The following LHFPL2 variants were observed in gnomAD, a reference collection of about 807,000 sequenced individuals.
LHFPL2 encodes LHFPL tetraspan subfamily member 2, also known as LHFPL tetraspan subfamily member 2 protein.
In LHFPL2, 7 loss-of-function variants were observed where a neutral mutation model predicts 17.5. The ratio of observed to expected loss-of-function variants is 0.40; its 90% CI spans 0.23 to 0.75. The LOEUF (loss-of-function observed/expected upper bound fraction) is 0.75, where lower values mean the gene tolerates loss of function less well. Among genes scored for constraint, LHFPL2 ranks in the 30% least tolerant of loss-of-function variants. The pLI is 0.37. For missense variants in LHFPL2, 241 were observed against 294.8 expected (o/e 0.82, Z 1.34); for synonymous variants, 134 against 116.2 (o/e 1.15, Z -0.99).
At chr5:78,642,014 C>G (rs1745683984) in intron 1 of LHFPL2, 1 of 151,844 alleles carries the variant, frequency 6.6e-6, no homozygotes, top group Non-Finnish European at 1.5e-5. Context: ...TCTCACAGTT[C>G]TGAAGGCTGG....
At chr5:78,551,546 G>A (rs1317835261) in intron 3 of LHFPL2, among the ~76,000 whole-genome samples, 4 of 152,114 alleles carry the variant, frequency 2.6e-5, no homozygotes, top group African/African-American at 9.7e-5. Flanking sequence ...CTCTAACAAG[G>A]TAGCTATTCA....
Position 78,558,873 on chromosome 5 carries a change from C to T in LHFPL2, c.-186+5940G>A, listed in dbSNP as rs77693458. Among the ~76,000 whole-genome samples the T allele has an allele frequency of 9.2e-3, 1,397 of 152,320 alleles. 25 individuals are homozygous for T. The highest frequency in any genetic ancestry group is 0.031 in the African/African-American group (1,309 of 41,578). ...CCAGAGCAGATGACTTTTTTTCCCA[C>T]TGCTCAAAAGAACTGAGCCACAACA... On this transcript the variant is annotated intron_variant, in intron 3 of 4. Transcript: ENST00000380345.
chr5:78,517,001 C>A (rs1028097011), intron 3 of LHFPL2, among the ~76,000 whole-genome samples: 1 of 152,232 alleles, frequency 6.6e-6, no homozygotes, highest in African/African-American at 2.4e-5. Context: ...GCCACACAGG[C>A]TTCTGCTTCT....
intron 4 of LHFPL2, among the ~76,000 whole-genome samples, chr5:78,503,512 C>G (rs534421869): frequency 2.0e-5 from 3 of 152,278 alleles, no homozygotes; most frequent in South Asian, 4.1e-4. Context: ...GCCTGGCCAA[C>G]GTGGTGAAAC....
intron 3 of LHFPL2, among the ~76,000 whole-genome samples, chr5:78,538,124 T>C (rs1756004341): frequency 6.6e-6 from 1 of 152,130 alleles, no homozygotes; most frequent in South Asian, 2.1e-4. Flanking sequence ...GGATCTATGT[T>C]TTAACAAGAT....
chr5:78,516,757 G>A (rs1345334752), intron 3 of LHFPL2, among the ~76,000 whole-genome samples: 1 of 152,206 alleles, frequency 6.6e-6, no homozygotes, highest in Non-Finnish European at 1.5e-5. Context: ...AAGATGACAG[G>A]ATGATAGGGA....
chr5:78,628,824 A>G (rs1250974866), intron 2 of LHFPL2, among the ~76,000 whole-genome samples: 1 of 152,230 alleles, frequency 6.6e-6, no homozygotes, highest in East Asian at 1.9e-4. Context: ...CTCTGCAGTC[A>G]TGTCAAGTAA....
At chr5:78,580,223 T>A (rs1262860933) in intron 2 of LHFPL2, among the ~76,000 whole-genome samples, 12 of 152,010 alleles carry the variant, frequency 7.9e-5, no homozygotes, top group Admixed American at 5.9e-4. Flanking sequence ...AAATTTGAGT[T>A]CATTGTAGAT....
At chr5:78,621,248 T>G (rs1744843599) in intron 2 of LHFPL2, among the ~76,000 whole-genome samples, 1 of 152,164 alleles carries the variant, frequency 6.6e-6, no homozygotes, top group Admixed American at 6.5e-5. Flanking sequence ...AGCTGAAATG[T>G]TTATGCATGG....
At chr5:78,530,018 T>C (rs1755734344) in intron 3 of LHFPL2, among the ~76,000 whole-genome samples, 1 of 152,172 alleles carries the variant, frequency 6.6e-6, no homozygotes, top group Non-Finnish European at 1.5e-5. Flanking sequence ...GAAAATAAAC[T>C]AGTTCCCAGA....
chr5:78,554,448 G>T (rs1756521973), intron 3 of LHFPL2, among the ~76,000 whole-genome samples: 1 of 152,240 alleles, frequency 6.6e-6, no homozygotes, highest in South Asian at 2.1e-4. Context: ...CAGCAGCAAT[G>T]CCATCTCTTT....
intron 2 of LHFPL2, among the ~76,000 whole-genome samples, chr5:78,624,004 C>T (rs1003638660): frequency 2.0e-5 from 3 of 152,190 alleles, no homozygotes; most frequent in Admixed American, 6.5e-5. Flanking sequence ...AACAAAGTAA[C>T]GATTAATGCC....
intron 2 of LHFPL2, among the ~76,000 whole-genome samples, chr5:78,613,045 T>C (rs959279471): frequency 3.3e-5 from 5 of 152,180 alleles, no homozygotes; most frequent in Admixed American, 2.6e-4. Context: ...CAGGCAGCTG[T>C]ACACAGAAGC....
Position 78,510,078 on chromosome 5 carries a change from G to A in LHFPL2, c.136C>T (p.Pro46Ser), listed in dbSNP as rs1421969326. The A allele has an allele frequency of 2.5e-6, 4 of 1,612,168 alleles. No homozygotes were observed. The highest frequency in any genetic ancestry group is 2.7e-5 in the African/African-American group (2 of 74,846). Residue 46 changes from proline to serine, a missense_variant, in exon 4 of 5, where the codon CCG (proline) becomes TCG (serine). Pro to Ser is a moderately conservative substitution (Grantham distance 74). Coordinates refer to ENST00000380345, the MANE Select transcript of LHFPL2 (RefSeq NM_005779.3). ...GGGGAGCCCCCGCCCGGGCCCGCCG[G>A]CTCCACGCCGCCGCGGCTCCTCGCT... ...GKARSRGGVE[P>S]AGPGGGSPEP... is the part of the protein sequence containing the mutation.
chr5:78,606,489 TG>T (rs1258398553), intron 2 of LHFPL2, among the ~76,000 whole-genome samples: 1 of 152,212 alleles, frequency 6.6e-6, no homozygotes, highest in East Asian at 1.9e-4. Flanking sequence ...AAGGCACTAA[TG>T]GAACAGTTTA....
chr5:78,625,892 A>C (rs1315043309), intron 2 of LHFPL2: 1 of 152,242 alleles, frequency 6.6e-6, no homozygotes, highest in African/African-American at 2.4e-5. Context: ...AGTCTCTCCC[A>C]GCTTTCCTAT....
At chr5:78,553,157 G>A (rs763700995) in intron 3 of LHFPL2, among the ~76,000 whole-genome samples, 3 of 152,112 alleles carry the variant, frequency 2.0e-5, no homozygotes, top group Admixed American at 1.3e-4. Context: ...TCACAACTTC[G>A]CCACCTCATA....
chr5:78,637,907 C>A (rs1745512079), intron 1 of LHFPL2, among the ~76,000 whole-genome samples: 1 of 152,200 alleles, frequency 6.6e-6, no homozygotes, highest in African/African-American at 2.4e-5. Flanking sequence ...GGAACATCAG[C>A]CTCCCCACTC....
chr5:78,541,904 A>C (rs930995042), intron 3 of LHFPL2, among the ~76,000 whole-genome samples: 1 of 152,170 alleles, frequency 6.6e-6, no homozygotes, highest in Non-Finnish European at 1.5e-5. Context: ...CCAGAACCAC[A>C]GTGGTTAAGT....
Sources: gnomAD v4.1 joint callset for allele counts (sites outside exome capture counted in the v4.1 genomes callset) on GRCh38, gnomAD v4.1.1 for gene constraint, MANE v1.5 for transcripts, NCBI Gene and HGNC (gene_info 2026-07-23, HGNC 2026-07-21) for gene names.